The following MCM9 variants were observed in gnomAD, a reference collection of about 807,000 sequenced individuals.
The protein encoded by MCM9 is minichromosome maintenance 9 homologous recombination repair factor.
A neutral mutation model predicts 72.8 loss-of-function variants in MCM9; 55 were observed. The observed-to-expected ratio is 0.76, with a 90% CI of 0.61 to 0.95. MCM9 has a LOEUF of 0.95. Among genes scored for constraint, MCM9 ranks in the 40% least tolerant of loss-of-function variants. MCM9 has a pLI of 0.00. For synonymous variants in MCM9, 480 were observed against 503.4 expected (o/e 0.95, Z 0.62); for missense variants, 1,279 against 1,377.0 (o/e 0.93, Z 1.13).
At chr6:118,918,113 C>T (rs1781113589) in intron 5 of MCM9, 3 of 227,872 alleles carry the variant, frequency 1.3e-5, no homozygotes, top group Admixed American at 1.0e-4. Context: ...GAGTCTCTAA[C>T]CATTTAGCTC....
At chr6:118,896,395 T>G (rs188069281) in intron 8 of MCM9, among the ~76,000 whole-genome samples, 1 of 151,816 alleles carries the variant, frequency 6.6e-6, no homozygotes, top group Admixed American at 6.6e-5. Context: ...ATTTCTCAAG[T>G]GTTGCCTTCC....
At position 118,826,146 on chromosome 6, in the gene MCM9, C is replaced by A. The variant is rs1341133773; in HGVS notation, c.1961+1G>T. 1.9e-6 allele frequency: 3 copies of A among 1,546,630 alleles called. No homozygotes were observed. The highest frequency in any genetic ancestry group is 4.0e-5 in the Admixed American group (2 of 49,498). ...TGCCTTTCTGGGTTTTCATTCCTCA[C>A]CTTTCAAGTCTTCTAAGCTCTTCAC... On this transcript the variant is annotated splice_donor_variant, in intron 13 of 13. Transcript: ENST00000619706. LOFTEE classifies it high-confidence loss of function.
At chr6:118,873,369 A>G (rs1777739770) in intron 8 of MCM9, among the ~76,000 whole-genome samples, 1 of 152,200 alleles carries the variant, frequency 6.6e-6, no homozygotes, top group African/African-American at 2.4e-5. Flanking sequence ...GAAAAGATCA[A>G]TAAAATTCAT....
chr6:118,932,550 CTCT>C (rs1782530612), intron 2 of MCM9, 54 bp downstream of exon 2: 1 of 939,580 alleles, frequency 1.1e-6, no homozygotes, highest in Non-Finnish European at 1.3e-6. Context: ...TGCTCTCTCT[CTCT>C]TTAGTTATAC....
chr6:118,897,375 G>C (rs1462343387), intron 8 of MCM9, among the ~76,000 whole-genome samples: 1 of 152,082 alleles, frequency 6.6e-6, no homozygotes, highest in Non-Finnish European at 1.5e-5. Flanking sequence ...CTGAGACCCT[G>C]GCTGGATGTG....
At chr6:118,907,594 T>A (rs761270719) in intron 8 of MCM9, 3 of 1,613,578 alleles carry the variant, frequency 1.9e-6, no homozygotes, top group Non-Finnish European at 2.5e-6. Flanking sequence ...CATGTTAGAA[T>A]CCCACATGGA....
intron 8 of MCM9, among the ~76,000 whole-genome samples, chr6:118,864,131 T>C (rs930946922): frequency 6.6e-5 from 10 of 152,096 alleles, no homozygotes; most frequent in Non-Finnish European, 1.3e-4. Flanking sequence ...TCTTTAGTGC[T>C]GATTTCTGAG....
intron 5 of MCM9, 179 bp downstream of exon 5, chr6:118,921,826 G>T: frequency 1.9e-6 from 1 of 535,302 alleles, no homozygotes; most frequent in Non-Finnish European, 3.3e-6. Flanking sequence ...CTGTTGTATA[G>T]ATCTAGCCCA....
rs374755975 is a variant in MCM9 at position 118,931,731 on chromosome 6, C to G, written c.-8G>C. On this transcript the variant is annotated 5_prime_UTR_variant, in exon 3 of 14. It removes the in-frame stop codon of an upstream open reading frame in the 5' UTR. Transcript: ENST00000619706. ...AACTTGATCGCTATTCATCTTGAAT[C>G]TAGGTAACTAAAGAAAAAAAAAAGG... The G allele has an allele frequency of 1.1e-5, 17 of 1,581,728 alleles. No homozygotes were observed. In the African/African-American group the frequency reaches 1.1e-4, roughly 10 times the overall value.
rs140907266 is a variant in MCM9, at chr6:118,888,673, C to T, written c.1150+22977G>A. ...TGTGTAATAGCCAAAAAGTAGAAACCACCTAGATGTCCATCAACTGACAGA... is the reference window on the plus strand; with the variant it reads ...TGTGTAATAGCCAAAAAGTAGAAACTACCTAGATGTCCATCAACTGACAGA... On this transcript the variant is annotated intron_variant, in intron 8 of 13. Transcript: ENST00000619706. Among the ~76,000 whole-genome samples, 1,148 of 152,020 alleles carry T rather than the reference C, an allele frequency of 7.6e-3. 8 individuals carry two copies. Among genetic ancestry groups the T allele is most frequent in the South Asian group, 0.029 (140 of 4,798 alleles).
In MCM9 at chr6:118,931,601, C is replaced by T. The variant is rs776765863; in HGVS notation, c.123G>A (p.Val41=). ...ERDEDAHYPV[V]VNAMTLFETN... ...TCTCAAACAGAGTCATGGCATTAACCACAACTGGGTAATGAGCATCTTCAT... is the reference window on the plus strand; with the variant it reads ...TCTCAAACAGAGTCATGGCATTAACTACAACTGGGTAATGAGCATCTTCAT... The change falls in exon 3 of 14, where the codon GTG becomes GTA. Residue 41 remains valine (V), a synonymous_variant. Coordinates refer to ENST00000619706, the MANE Select transcript of MCM9 (RefSeq NM_017696.3). 3 of 1,614,114 alleles carry T rather than the reference C, an allele frequency of 1.9e-6. No individual in the cohort carries two copies. The highest frequency in any genetic ancestry group is 1.1e-5 in the South Asian group (1 of 91,076).
At chr6:118,820,511 T>C (rs1462572713) in intron 13 of MCM9, among the ~76,000 whole-genome samples, 19 of 152,196 alleles carry the variant, frequency 1.2e-4, no homozygotes, top group Non-Finnish European at 2.9e-5. Flanking sequence ...TTCCAATCTT[T>C]TGCATTTCCT....
intron 13 of MCM9, 91 bp from the exon 14 acceptor site, chr6:118,816,385 T>C: frequency 1.8e-6 from 2 of 1,118,810 alleles, no homozygotes; most frequent in Non-Finnish European, 2.4e-6. Flanking sequence ...GATACCATCT[T>C]AAAGATTTAA....
At chr6:118,882,006 C>T (rs573036417) in intron 8 of MCM9, among the ~76,000 whole-genome samples, 69 of 152,212 alleles carry the variant, frequency 4.5e-4, no homozygotes, top group African/African-American at 1.6e-3. Flanking sequence ...ATTTCTTATC[C>T]CCTCCACGTG....
At chr6:118,821,085 A>T (rs1277936355) in intron 13 of MCM9, among the ~76,000 whole-genome samples, 5 of 152,142 alleles carry the variant, frequency 3.3e-5, no homozygotes, top group Non-Finnish European at 5.9e-5. Flanking sequence ...CCAATTTGCC[A>T]GTCTGTGTCT....
At chr6:118,922,772 C>T in intron 4 of MCM9, among the ~76,000 whole-genome samples, 1 of 152,126 alleles carries the variant, frequency 6.6e-6, no homozygotes, top group Non-Finnish European at 1.5e-5. Flanking sequence ...TGGCTCACAT[C>T]TGTAATCCCA....
chr6:118,926,231 G>T (rs1781884101), intron 3 of MCM9, among the ~76,000 whole-genome samples: 1 of 152,150 alleles, frequency 6.6e-6, no homozygotes, highest in Non-Finnish European at 1.5e-5. Flanking sequence ...AATTGAAAAT[G>T]TTGTAAGTTG....
rs377298318 is a variant in MCM9, at chr6:118,838,992, T to C, written c.1326-9742A>G. Among the ~76,000 whole-genome samples the C allele has an allele frequency of 2.4e-4, 36 of 151,970 alleles. 1 individual carries two copies. The highest frequency in any genetic ancestry group is 8.4e-4 in the African/African-American group (35 of 41,534). ...TGTTGGCCTGTCCTGCTAGGTAGTTTTCCTGGATAATATCCTGAAGTGTGT... is the reference window on the plus strand; with the variant it reads ...TGTTGGCCTGTCCTGCTAGGTAGTTCTCCTGGATAATATCCTGAAGTGTGT... On this transcript the variant is annotated intron_variant, in intron 9 of 13. Coordinates refer to ENST00000619706, the MANE Select transcript of MCM9 (RefSeq NM_017696.3).
At chr6:118,900,587 G>C (rs986228790) in intron 8 of MCM9, among the ~76,000 whole-genome samples, 1 of 152,200 alleles carries the variant, frequency 6.6e-6, no homozygotes, top group Non-Finnish European at 1.5e-5. Flanking sequence ...GAGAAACTCT[G>C]ATCAAAGTGT....
Sources: gnomAD v4.1 joint callset for allele counts (sites outside exome capture counted in the v4.1 genomes callset) on GRCh38, gnomAD v4.1.1 for gene constraint, MANE v1.5 for transcripts, NCBI Gene and HGNC (gene_info 2026-07-23, HGNC 2026-07-21) for gene names.